MUSK: variants seen among roughly 807,000 people sequenced by gnomAD.
MUSK encodes muscle, skeletal receptor tyrosine-protein kinase.
Under a neutral mutation model 88.7 loss-of-function variants are expected in MUSK, and 55 were observed. The ratio of observed to expected loss-of-function variants is 0.62; its 90% confidence interval spans 0.50 to 0.78. MUSK has a LOEUF of 0.78. Among genes scored for constraint, MUSK ranks in the 30% least tolerant of loss-of-function variants. The pLI is 0.00. For synonymous variants in MUSK, 387 were observed against 391.9 expected (o/e 0.99, Z 0.15); for missense variants, 1,015 against 1,074.3 (o/e 0.94, Z 0.77).
chr9:110,701,662 TTTATTTTATTTTATTTTTTTTACTTTAC>T lies in MUSK; in HGVS notation c.628+4199_628+4226del, dbSNP rs200309833. Among the ~76,000 whole-genome samples the T allele has an allele frequency of 1.1e-3, 26 of 24,230 alleles. 7 individuals are homozygous for T. The highest frequency in any genetic ancestry group is 1.5e-3 in the Non-Finnish European group (21 of 13,586). 15.9% of individuals were successfully genotyped at this position (24,230 alleles called of 152,430 possible). A position where few individuals can be genotyped will look rare whatever the true frequency, so the allele number is the denominator to read the frequency against. ...CTACTGTGCTCAGCTATTTATTTTA[TTTATTTTATTTTATTTTTTTTACTTTAC>T]TTTATTTTATTTTATTTTATTTTAT... is the stretch of plus-strand genomic sequence containing the variant. On this transcript the variant is annotated intron_variant, in intron 5 of 14. Coordinates refer to ENST00000374448, the MANE Select transcript of MUSK (RefSeq NM_005592.4).
At chr9:110,783,188 A>T (rs1243251441) in intron 11 of MUSK, among the ~76,000 whole-genome samples, 1 of 152,078 alleles carries the variant, frequency 6.6e-6, no homozygotes, top group Non-Finnish European at 1.5e-5. Context: ...GTCAGTTGCT[A>T]ATATTTCGTT....
At chr9:110,689,230 A>T (rs7465934) in intron 3 of MUSK, among the ~76,000 whole-genome samples, 7 of 52,616 alleles carry the variant, frequency 1.3e-4, no homozygotes, top group Non-Finnish European at 2.2e-4. Context: ...ATAATATATA[A>T]ATATATAAAT....
intron 5 of MUSK, among the ~76,000 whole-genome samples, chr9:110,715,767 T>C (rs2076735156): frequency 6.7e-6 from 1 of 149,030 alleles, no homozygotes; most frequent in Admixed American, 6.6e-5. Flanking sequence ...GTGGTACATA[T>C]ATGCCATGGA....
At chr9:110,683,881 T>A (rs968910598) in intron 2 of MUSK, among the ~76,000 whole-genome samples, 1 of 152,140 alleles carries the variant, frequency 6.6e-6, no homozygotes, top group African/African-American at 2.4e-5. Flanking sequence ...TGGTTATTAA[T>A]CCTTTGTCAG....
intron 5 of MUSK, among the ~76,000 whole-genome samples, chr9:110,712,731 T>C (rs370427692): frequency 1.2e-4 from 18 of 152,292 alleles, no homozygotes; most frequent in African/African-American, 4.3e-4. Flanking sequence ...TATCTGCAAA[T>C]AGTAAGATAT....
chr9:110,689,385 A>C (rs1296083372), intron 3 of MUSK, among the ~76,000 whole-genome samples: 1 of 117,550 alleles, frequency 8.5e-6, no homozygotes, highest in Non-Finnish European at 1.6e-5. Context: ...TATGTAAAAA[A>C]TATAAAAATA....
At chr9:110,697,211 A>T in intron 4 of MUSK, 114 bp from the exon 5 acceptor site, 1 of 1,164,292 alleles carries the variant, frequency 8.6e-7, no homozygotes, top group Non-Finnish European at 1.2e-6. Context: ...AATAAAGGTC[A>T]AAGCGATATC....
intron 5 of MUSK, among the ~76,000 whole-genome samples, chr9:110,715,186 G>A (rs1193658407): frequency 6.7e-6 from 1 of 149,822 alleles, no homozygotes. Context: ...AAAAGCTCTG[G>A]AGAAAGAAAA....
At chr9:110,697,752 C>T (rs1271073095) in intron 5 of MUSK, among the ~76,000 whole-genome samples, 1 of 151,898 alleles carries the variant, frequency 6.6e-6, no homozygotes, top group Admixed American at 6.6e-5. Flanking sequence ...AATAGAAACC[C>T]ATTTTAGAAT....
At chr9:110,701,491 GTTTGT>G (rs745365225) in intron 5 of MUSK, among the ~76,000 whole-genome samples, 5 of 151,406 alleles carry the variant, frequency 3.3e-5, no homozygotes, top group Admixed American at 6.6e-5. Flanking sequence ...TTTCTTGTTT[GTTTGT>G]TTTGTTTTGT....
At chr9:110,710,007 T>A (rs879857490) in intron 5 of MUSK, among the ~76,000 whole-genome samples, 18 of 152,018 alleles carry the variant, frequency 1.2e-4, no homozygotes, top group Non-Finnish European at 1.8e-4. Context: ...TAAAAATATT[T>A]AAAAAAAATA....
chr9:110,677,877 A>G (rs1292452605), intron 1 of MUSK, among the ~76,000 whole-genome samples: 1 of 152,176 alleles, frequency 6.6e-6, no homozygotes, highest in Non-Finnish European at 1.5e-5. Context: ...TATCTTTTAA[A>G]CTATGACTAT....
At chr9:110,766,755 T>C (rs2131951309) in intron 8 of MUSK, among the ~76,000 whole-genome samples, 1 of 152,348 alleles carries the variant, frequency 6.6e-6, no homozygotes, top group African/African-American at 2.4e-5. Flanking sequence ...CTAAATTCGA[T>C]AGTTGTACAA....
At chr9:110,694,858 T>C (rs1032500733) in intron 3 of MUSK, among the ~76,000 whole-genome samples, 1 of 141,542 alleles carries the variant, frequency 7.1e-6, no homozygotes, top group African/African-American at 2.7e-5. Context: ...CCAAATTGTA[T>C]GACAGAATTT....
intron 5 of MUSK, among the ~76,000 whole-genome samples, chr9:110,714,598 G>C (rs556128044): frequency 2.0e-5 from 3 of 152,236 alleles, no homozygotes; most frequent in Non-Finnish European, 4.4e-5. Context: ...GGGTTTCTTT[G>C]CTTTAGCTAC....
At chr9:110,756,258 T>C (rs558989218) in intron 7 of MUSK, among the ~76,000 whole-genome samples, 1 of 151,974 alleles carries the variant, frequency 6.6e-6, no homozygotes, top group Non-Finnish European at 1.5e-5. Flanking sequence ...CGGAAGACTG[T>C]GTATTGCACA....
chr9:110,760,090 G>A (rs556780890), intron 7 of MUSK, among the ~76,000 whole-genome samples: 3 of 152,200 alleles, frequency 2.0e-5, no homozygotes, highest in African/African-American at 7.2e-5. Flanking sequence ...CTGAGAAAAG[G>A]GAACTCTTAT....
chr9:110,701,916 T>A (rs890740095), intron 5 of MUSK, among the ~76,000 whole-genome samples: 6 of 134,868 alleles, frequency 4.4e-5, no homozygotes, highest in Non-Finnish European at 9.4e-5. Context: ...TTTATTTTAT[T>A]TTATTTTATT....
intron 5 of MUSK, among the ~76,000 whole-genome samples, chr9:110,698,564 T>A (rs1376382749): frequency 6.6e-6 from 1 of 152,170 alleles, no homozygotes; most frequent in Non-Finnish European, 1.5e-5. Flanking sequence ...AAGATTATTT[T>A]TATTTCCTTG....
Sources: gnomAD v4.1 joint callset for allele counts (sites outside exome capture counted in the v4.1 genomes callset) on GRCh38, gnomAD v4.1.1 for gene constraint, MANE v1.5 for transcripts, NCBI Gene and HGNC (gene_info 2026-07-23, HGNC 2026-07-21) for gene names.